The following REEP1 variants were observed in gnomAD, a reference collection of about 807,000 sequenced individuals.
The protein encoded by REEP1 is receptor expression-enhancing protein 1.
A neutral mutation model predicts 40.3 loss-of-function variants in REEP1; 22 were observed. The ratio of observed to expected loss-of-function variants is 0.55; its 90% confidence interval spans 0.39 to 0.78. The LOEUF (loss-of-function observed/expected upper bound fraction) is 0.78, where lower values mean the gene tolerates loss of function less well. Among genes scored for constraint, REEP1 ranks in the 30% least tolerant of loss-of-function variants. The pLI is 0.00. For missense variants in REEP1, 280 were observed against 361.1 expected (o/e 0.78, Z 1.82); for synonymous variants, 116 against 139.2 (o/e 0.83, Z 1.17).
At chr2:86,290,465 CA>C (rs1370447418) in intron 1 of REEP1, among the ~76,000 whole-genome samples, 1 of 152,076 alleles carries the variant, frequency 6.6e-6, no homozygotes, top group Non-Finnish European at 1.5e-5. Context: ...TTAAAAAAAC[CA>C]AAGCATTCAG....
chr2:86,218,450 G>A (rs1396811556), intron 8 of REEP1, among the ~76,000 whole-genome samples: 1 of 152,202 alleles, frequency 6.6e-6, no homozygotes, highest in East Asian at 1.9e-4. Context: ...CTCTCATAGA[G>A]TCCTCATGCT....
intron 6 of REEP1, among the ~76,000 whole-genome samples, chr2:86,230,037 G>T (rs1428898374): frequency 6.6e-6 from 1 of 152,178 alleles, no homozygotes; most frequent in Non-Finnish European, 1.5e-5. Context: ...CATAGGTGCG[G>T]AGGCCAAGGG....
chr2:86,245,865 C>T (rs929366936), intron 5 of REEP1, among the ~76,000 whole-genome samples: 5 of 151,564 alleles, frequency 3.3e-5, no homozygotes, highest in African/African-American at 7.3e-5. Context: ...CCCTGGTTCA[C>T]GCCATTCTCC....
In REEP1 at chr2:86,291,192, A is replaced by G. The variant is rs1451131986; in HGVS notation, c.33-8950T>C. 2.0e-5 allele frequency among the ~76,000 whole-genome samples: 3 copies of G among 152,170 alleles called. 1 individual carries two copies. The East Asian group carries it at 5.8e-4, about 29-fold the overall frequency. The stretch of plus-strand genomic sequence containing the variant: ...CACTGCCTTCCTGACTCTGCAGTAC[A>G]TGGCTGAGAGTCTGCAGCTGGTCTC... On this transcript the variant is annotated intron_variant, in intron 1 of 8. Coordinates refer to ENST00000538924, the MANE Select transcript of REEP1 (RefSeq NM_001371279.1).
chr2:86,249,935 A>G (rs1399951942), intron 5 of REEP1, among the ~76,000 whole-genome samples: 1 of 152,238 alleles, frequency 6.6e-6, no homozygotes, highest in Admixed American at 6.5e-5. Flanking sequence ...TCTGAAACCA[A>G]ATTCAACAGA....
intron 1 of REEP1, among the ~76,000 whole-genome samples, chr2:86,293,296 C>T (rs1241442820): frequency 2.6e-5 from 4 of 152,112 alleles, no homozygotes; most frequent in Non-Finnish European, 5.9e-5. Flanking sequence ...ACAACATGGC[C>T]GGGGTGCCAG....
chr2:86,264,112 C>T lies in REEP1; in HGVS notation c.106-71G>A, dbSNP rs1017015645. 1.7e-5 allele frequency: 21 copies of T among 1,200,298 alleles called. No homozygotes were observed. The East Asian group carries it at 4.4e-4, about 25-fold the overall frequency. 74.4% of individuals were successfully genotyped at this position (1,200,298 alleles called of 1,614,324 possible). A position where few individuals can be genotyped will look rare whatever the true frequency, so the allele number is the denominator to read the frequency against. ...AAACACTGCCCAACACCAGGAAGAA[C>T]AGGCCCCGGCGGCAGATACGGAGGC... On this transcript the variant is annotated intron_variant, in intron 2 of 8. Transcript: ENST00000538924.
intron 2 of REEP1, among the ~76,000 whole-genome samples, chr2:86,274,613 A>G (rs1311981725): frequency 3.3e-5 from 5 of 152,240 alleles, no homozygotes; most frequent in Non-Finnish European, 7.3e-5. Flanking sequence ...GGTTTGAAAT[A>G]TAATTTTCCA....
chr2:86,331,831 G>A (rs986463764), intron 1 of REEP1, among the ~76,000 whole-genome samples: 1 of 152,156 alleles, frequency 6.6e-6, no homozygotes, highest in African/African-American at 2.4e-5. Context: ...ACCAACCCAT[G>A]TGCCCCATTG....
At position 86,221,167 on chromosome 2, in the gene REEP1, C is replaced by T. The variant is rs77929053; in HGVS notation, c.632-1046G>A. The stretch of plus-strand genomic sequence containing the variant: ...ACCGAATGTGCTCTCTCTCCATCAA[C>T]AGTGGACTTGCTAGACTATACCACC... On this transcript the variant is annotated intron_variant, in intron 7 of 8. Coordinates refer to ENST00000538924, the MANE Select transcript of REEP1 (RefSeq NM_001371279.1). 9.8e-3 allele frequency among the ~76,000 whole-genome samples: 1,499 copies of T among 152,284 alleles called. 21 individuals are homozygous for T. The highest frequency in any genetic ancestry group is 0.034 in the African/African-American group (1,419 of 41,548).
intron 6 of REEP1, among the ~76,000 whole-genome samples, chr2:86,231,491 G>A (rs1675014367): frequency 6.6e-6 from 1 of 152,224 alleles, no homozygotes. Context: ...ATGCCTTCCT[G>A]TTGATGGCTA....
rs540456203 is a variant in REEP1 at position 86,234,706 on chromosome 2, T to C, written c.418-1904A>G. On this transcript the variant is annotated intron_variant, in intron 5 of 8. Transcript: ENST00000538924. ...CAAGAAGTATTTGGAGGATATTATA[T>C]GAAAAAAGACAGAAATCACCCTGGT... 1.7e-3 allele frequency among the ~76,000 whole-genome samples: 253 copies of C among 152,218 alleles called. 1 individual carries two copies. The highest frequency in any genetic ancestry group is 3.4e-3 in the Middle Eastern group (1 of 294).
intron 1 of REEP1, among the ~76,000 whole-genome samples, chr2:86,312,968 G>C (rs1679827724): frequency 6.6e-6 from 1 of 152,148 alleles, no homozygotes; most frequent in African/African-American, 2.4e-5. Context: ...GGGAACCCCA[G>C]AGAGCATTTA....
intron 1 of REEP1, among the ~76,000 whole-genome samples, chr2:86,298,721 G>C (rs1204268621): frequency 6.6e-6 from 1 of 152,240 alleles, no homozygotes; most frequent in Non-Finnish European, 1.5e-5. Context: ...GCAGAGCAAA[G>C]CTGTTATGGG....
intron 4 of REEP1, among the ~76,000 whole-genome samples, chr2:86,253,603 G>A (rs1440802120): frequency 1.3e-5 from 2 of 152,186 alleles, no homozygotes; most frequent in Non-Finnish European, 1.5e-5. Flanking sequence ...AGCATTTGGG[G>A]AAAGGGAAGT....
At chr2:86,293,343 G>A (rs1053651774) in intron 1 of REEP1, among the ~76,000 whole-genome samples, 1 of 152,212 alleles carries the variant, frequency 6.6e-6, no homozygotes, top group Non-Finnish European at 1.5e-5. Context: ...GCAAAGCTGC[G>A]TGTGCTAAGT....
intron 1 of REEP1, among the ~76,000 whole-genome samples, chr2:86,324,505 G>A (rs1680412648): frequency 6.6e-6 from 1 of 152,316 alleles, no homozygotes; most frequent in African/African-American, 2.4e-5. Context: ...TGATGGTAAA[G>A]ACACTGTGCA....
At chr2:86,275,104 C>T (rs545005368) in intron 2 of REEP1, among the ~76,000 whole-genome samples, 288 of 152,250 alleles carry the variant, frequency 1.9e-3, no homozygotes, top group Non-Finnish European at 2.6e-3. Flanking sequence ...CTGGGCCCTG[C>T]GCTTCAGCCT....
intron 7 of REEP1, among the ~76,000 whole-genome samples, chr2:86,226,645 T>TG (rs1674724401): frequency 6.6e-6 from 1 of 151,108 alleles, no homozygotes. Context: ...TTTTTTTTTT[T>TG]TAATTGTAGA....
Sources: gnomAD v4.1 joint callset for allele counts (sites outside exome capture counted in the v4.1 genomes callset) on GRCh38, gnomAD v4.1.1 for gene constraint, MANE v1.5 for transcripts, NCBI Gene and HGNC (gene_info 2026-07-23, HGNC 2026-07-21) for gene names.